ENO3: variants seen among roughly 807,000 people sequenced by gnomAD.
ENO3 encodes the protein beta-enolase.
A neutral mutation model predicts 47.7 loss-of-function variants in ENO3; 46 were observed. The observed-to-expected ratio is 0.96, with a 90% confidence interval of 0.76 to 1.23. The LOEUF (loss-of-function observed/expected upper bound fraction) is 1.23. ENO3 is among the 50% of genes most tolerant of loss of function. ENO3 has a pLI of 0.00. For synonymous variants in ENO3, 223 were observed against 225.9 expected (o/e 0.99, Z 0.11); for missense variants, 575 against 566.2 (o/e 1.02, Z -0.16).
chr17:4,956,144 G>C lies in ENO3; in HGVS notation c.1067+1G>C, dbSNP rs374679936. Reference sequence around the variant, plus strand: ...GCTCGGTGACCGAATCGATCCAGGCGTGAGTGCCTCCTGACCCTGAGGCTC... The same window carrying C: ...GCTCGGTGACCGAATCGATCCAGGCCTGAGTGCCTCCTGACCCTGAGGCTC... On this transcript the variant is annotated splice_donor_variant, in intron 9 of 11. Coordinates refer to ENST00000519602, the MANE Select transcript of ENO3 (RefSeq NM_053013.4). LOFTEE classifies it high-confidence loss of function. 2 of 1,613,524 alleles carry C rather than the reference G, an allele frequency of 1.2e-6. No homozygotes were observed. Among genetic ancestry groups the C allele is most frequent in the East Asian group, 2.2e-5 (1 of 44,866 alleles).
At chr17:4,952,175 TTTTTG>T in intron 2 of ENO3, 3 of 565,434 alleles carry the variant, frequency 5.3e-6, no homozygotes, top group East Asian at 3.7e-5. Flanking sequence ...GAGGTCCTTT[TTTTTG>T]TTTTGTTTTG....
intron 10 of ENO3, 61 bp from the exon 11 acceptor site, chr17:4,956,770 C>T: frequency 6.2e-7 from 1 of 1,613,962 alleles, no homozygotes; most frequent in African/African-American, 1.3e-5. Flanking sequence ...TCCCTTGGGG[C>T]CAGGTCCAAC....
Position 4,953,419 on chromosome 17 carries a change from G to A in ENO3, c.310+78G>A. 5 of 1,588,706 alleles carry A rather than the reference G, an allele frequency of 3.1e-6. No individual in the cohort carries two copies. In the South Asian group the frequency reaches 4.4e-5, roughly 14 times the overall value. On this transcript the variant is annotated intron_variant, in intron 5 of 11. Transcript: ENST00000519602. Reference sequence around the variant, plus strand: ...GAGGCCATGGGGTGAGGCCTGATGGGTTATTTCTGGGTCCCCCATTTTGGG... The same window carrying A: ...GAGGCCATGGGGTGAGGCCTGATGGATTATTTCTGGGTCCCCCATTTTGGG...
At chr17:4,953,223 T>C in intron 4 of ENO3, 49 bp from the exon 5 acceptor site, 2 of 1,613,524 alleles carry the variant, frequency 1.2e-6, no homozygotes, top group Non-Finnish European at 1.7e-6. Context: ...GTGCCCTGAC[T>C]TCTGAGAAAT....
intron 1 of ENO3, among the ~76,000 whole-genome samples, chr17:4,951,450 A>G (rs1238277797): frequency 2.6e-5 from 4 of 152,266 alleles, no homozygotes; most frequent in Non-Finnish European, 4.4e-5. Flanking sequence ...TGGGGGCCCA[A>G]GGAGATTTCG....
rs369070934 is a variant in ENO3, at chr17:4,953,696, G to T, written c.311-16G>T. On this transcript the variant is annotated splice_polypyrimidine_tract_variant and intron_variant, in intron 5 of 11. Coordinates refer to ENST00000519602, the MANE Select transcript of ENO3 (RefSeq NM_053013.4). ...GCAGAAGCTCTCATCCTTTCTTCCC[G>T]CTTGCCTCCTTCCAGCCAAGTTTGG... 2.5e-6 allele frequency: 4 copies of T among 1,614,206 alleles called. No individual in the cohort carries two copies. In the East Asian group the frequency reaches 8.9e-5, roughly 36 times the overall value.
chr17:4,956,346 C>G, intron 9 of ENO3: 2 of 745,024 alleles, frequency 2.7e-6, no homozygotes, highest in South Asian at 1.7e-5. Flanking sequence ...CATGACCCCC[C>G]ACCCCCAGCC....
chr17:4,956,345 C>G (rs1368962253), intron 9 of ENO3: 1 of 744,356 alleles, frequency 1.3e-6, no homozygotes, highest in East Asian at 2.7e-5. Flanking sequence ...TCATGACCCC[C>G]CACCCCCAGC....
upstream of ENO3, chr17:4,950,663 C>T: frequency 1.0e-6 from 1 of 985,140 alleles, no homozygotes; most frequent in Non-Finnish European, 1.2e-6. Context: ...GGTGGGGGGT[C>T]CCGTCCTTTC....
intron 2 of ENO3, 44 bp from the exon 3 acceptor site, chr17:4,952,751 C>T (rs371209902): frequency 5.8e-6 from 9 of 1,564,870 alleles, no homozygotes; most frequent in South Asian, 3.5e-5. Context: ...CATGGGCCAC[C>T]GCGCCCAGCC....
At chr17:4,955,645 G>A (rs776189298) in intron 8 of ENO3, 41 bp downstream of exon 8, 15 of 1,612,346 alleles carry the variant, frequency 9.3e-6, no homozygotes, top group Middle Eastern at 1.7e-4. Context: ...CCCGAATCCC[G>A]TGCAGCTGCC....
chr17:4,956,077 A>G lies in ENO3; in HGVS notation c.1001A>G (p.Lys334Arg), dbSNP rs757971174. ...NPKRIAQAVEKKACNCLLLKV... is the reference protein window; with the variant it reads ...NPKRIAQAVERKACNCLLLKV... The stretch of plus-strand genomic sequence containing the variant: ...AAGAGGATTGCCCAGGCCGTTGAGA[A>G]GAAGGCCTGCAACTGTCTGCTGCTG... Residue 334 changes from lysine to arginine, a missense_variant, in exon 9 of 12, where the codon AAG (lysine) becomes AGG (arginine). Lys to Arg is a conservative substitution (Grantham distance 26). Coordinates refer to ENST00000519602, the MANE Select transcript of ENO3 (RefSeq NM_053013.4). 11 of 1,614,026 alleles carry G rather than the reference A, an allele frequency of 6.8e-6. No individual in the cohort carries two copies. In the East Asian group the frequency reaches 2.0e-4, roughly 29 times the overall value.
rs369410076 is a variant in ENO3 at position 4,955,062 on chromosome 17, C to T, written c.445-13C>T. On this transcript the variant is annotated splice_polypyrimidine_tract_variant and intron_variant, in intron 6 of 11. Transcript: ENST00000519602. ...GCCCCGGCCCAGGTCCAGACACCCTCTCCCCATCTCAGGCCTTCAATGTGA... is the reference window on the plus strand; with the variant it reads ...GCCCCGGCCCAGGTCCAGACACCCTTTCCCCATCTCAGGCCTTCAATGTGA... 48 of 1,608,076 alleles carry T rather than the reference C, an allele frequency of 3.0e-5. No individual in the cohort carries two copies. Among genetic ancestry groups the T allele is most frequent in the Non-Finnish European group, 4.0e-5 (47 of 1,176,976 alleles).
chr17:4,952,803 C>T lies in ENO3; in HGVS notation c.94C>T (p.Arg32Ter), dbSNP rs764120380. The change falls in exon 3 of 12, where the codon CGA (arginine) becomes TGA (stop). Residue 32 changes from arginine to a stop codon, truncating the protein, a stop_gained. Transcript: ENST00000519602. LOFTEE classifies it high-confidence loss of function. ...AATTCCTCCTGTCCCAGGCCGATTC[C>T]GAGCAGCTGTGCCCAGTGGGGCTTC... ...VDLHTAKGRFRAAVPSGASTG... is the reference protein window; with the variant it reads ...VDLHTAKGRF The T allele has an allele frequency of 6.8e-6, 11 of 1,609,816 alleles. No homozygotes were observed. The highest frequency in any genetic ancestry group is 1.6e-4 in the Middle Eastern group (1 of 6,080).
intron 5 of ENO3, 44 bp from the exon 6 acceptor site, chr17:4,953,668 C>T (rs1184955903): frequency 6.2e-7 from 1 of 1,614,208 alleles, no homozygotes; most frequent in Non-Finnish European, 8.5e-7. Context: ...CACCCCAAAC[C>T]CTGCAGAAGC....
intron 8 of ENO3, 32 bp downstream of exon 8, chr17:4,955,636 C>A: frequency 6.2e-7 from 1 of 1,613,220 alleles, no homozygotes. Flanking sequence ...GTGTTCCTGC[C>A]CGAATCCCGT....
upstream of ENO3, among the ~76,000 whole-genome samples, chr17:4,949,653 A>T (rs1379680052): frequency 2.0e-5 from 3 of 151,776 alleles, no homozygotes; most frequent in African/African-American, 7.3e-5. Flanking sequence ...CCGCGGTGAA[A>T]CCGCCTCCTC....
Position 4,957,081 on chromosome 17 carries a change from C to T in ENO3, c.*34C>T, listed in dbSNP as rs1971763048. On this transcript the variant is annotated 3_prime_UTR_variant, in exon 12 of 12. Coordinates refer to ENST00000519602, the MANE Select transcript of ENO3 (RefSeq NM_053013.4). ...AGGCTCCAGGACTCCACTGGACAGA[C>T]CCAGGTCTTCCAGACCTGCTTCCTG... 5 of 1,613,112 alleles carry T rather than the reference C, an allele frequency of 3.1e-6. No homozygotes were observed. Among genetic ancestry groups the T allele is most frequent in the East Asian group, 2.2e-5 (1 of 44,878 alleles).
rs183588327 is a variant in ENO3, at chr17:4,956,543, A to C, written c.1068-30A>C. The C allele has an allele frequency of 2.0e-5, 32 of 1,611,600 alleles. No homozygotes were observed. In the Admixed American group the frequency reaches 5.0e-4, roughly 25 times the overall value. On this transcript the variant is annotated intron_variant, in intron 9 of 11. Coordinates refer to ENST00000519602, the MANE Select transcript of ENO3 (RefSeq NM_053013.4). ...TGCTTTCCCACTGAGGAGGTTCTAG[A>C]AGGCCACATCAAATGTCCTCTCCAC...
Sources: gnomAD v4.1 joint callset for allele counts (sites outside exome capture counted in the v4.1 genomes callset) on GRCh38, gnomAD v4.1.1 for gene constraint, MANE v1.5 for transcripts, NCBI Gene and HGNC (gene_info 2026-07-23, HGNC 2026-07-21) for gene names.